LAMA4: variants seen among roughly 807,000 people sequenced by gnomAD.
LAMA4 encodes the protein laminin subunit alpha 4, also known as laminin subunit alpha-4.
A neutral mutation model predicts 207.1 loss-of-function variants in LAMA4; 127 were observed. The observed-to-expected ratio is 0.61, with a 90% CI of 0.53 to 0.71. LAMA4 has a LOEUF of 0.71. Ranked by LOEUF, LAMA4 falls within the 30% of genes least tolerant of loss-of-function variation. The probability of loss-of-function intolerance (pLI) is 0.00; values close to 1 mark genes in which losing one functional copy is unlikely to be tolerated. For missense variants in LAMA4, 2,093 were observed against 2,246.5 expected (o/e 0.93, Z 1.38); for synonymous variants, 761 against 816.0 (o/e 0.93, Z 1.15).
intron 9 of LAMA4, among the ~76,000 whole-genome samples, chr6:112,181,847 C>G (rs1369532692): frequency 1.3e-5 from 2 of 152,108 alleles, no homozygotes; most frequent in African/African-American, 4.8e-5. Context: ...GCCTGTAATT[C>G]CAGCACTTTG....
intron 2 of LAMA4, among the ~76,000 whole-genome samples, chr6:112,242,527 A>T (rs1554187881): frequency 6.6e-6 from 1 of 152,218 alleles, no homozygotes; most frequent in East Asian, 1.9e-4. Flanking sequence ...GCAGATAAAC[A>T]GCCTGGGGAT....
chr6:112,195,938 T>TACACACACACACACACAC (rs149514155), intron 5 of LAMA4, among the ~76,000 whole-genome samples: 2 of 147,342 alleles, frequency 1.4e-5, no homozygotes, highest in Admixed American at 1.4e-4. Context: ...ATGAACTAAG[T>TACACACACACACACACAC]ACACACACAC....
At chr6:112,205,470 T>C (rs1288943255) in intron 4 of LAMA4, among the ~76,000 whole-genome samples, 2 of 152,156 alleles carry the variant, frequency 1.3e-5, no homozygotes, top group African/African-American at 2.4e-5. Context: ...AAGTGAGATC[T>C]AGGGAGAAAG....
At chr6:112,188,332 G>C (rs1554347384) in intron 7 of LAMA4, among the ~76,000 whole-genome samples, 2 of 152,156 alleles carry the variant, frequency 1.3e-5, no homozygotes, top group African/African-American at 4.8e-5. Context: ...GCTTGGTGGG[G>C]GAGATGCTTA....
intron 36 of LAMA4, among the ~76,000 whole-genome samples, chr6:112,115,473 A>G (rs1012007500): frequency 1.3e-4 from 20 of 152,168 alleles, no homozygotes; most frequent in Non-Finnish European, 2.1e-4. Flanking sequence ...GTATATATAC[A>G]TATCTAGTAC....
intron 17 of LAMA4, among the ~76,000 whole-genome samples, chr6:112,150,238 CACACACAG>C (rs2114751336): frequency 6.6e-6 from 1 of 150,502 alleles, no homozygotes; most frequent in East Asian, 1.9e-4. Flanking sequence ...CACACACAGA[CACACACAG>C]ACACACACAC....
intron 25 of LAMA4, 62 bp from the exon 26 acceptor site, chr6:112,134,671 T>G: frequency 7.6e-7 from 1 of 1,320,140 alleles, no homozygotes; most frequent in Non-Finnish European, 1.1e-6. Context: ...CTTTGATGAC[T>G]TCTATATATT....
intron 3 of LAMA4, among the ~76,000 whole-genome samples, chr6:112,207,401 G>A (rs1411771297): frequency 7.2e-5 from 11 of 152,254 alleles, no homozygotes; most frequent in African/African-American, 1.7e-4. Context: ...TAGAGTTTGT[G>A]TGCAGAGGAG....
At chr6:112,175,282 G>A in intron 11 of LAMA4, 31 bp downstream of exon 11, 1 of 1,610,332 alleles carries the variant, frequency 6.2e-7, no homozygotes, top group Non-Finnish European at 8.5e-7. Context: ...GCAAACATGT[G>A]CTGGGTCAGC....
chr6:112,237,583 C>T (rs1217324856), intron 2 of LAMA4, among the ~76,000 whole-genome samples: 1 of 152,208 alleles, frequency 6.6e-6, no homozygotes, highest in African/African-American at 2.4e-5. Context: ...AACCCTCAGG[C>T]ATTTCCATGG....
intron 2 of LAMA4, among the ~76,000 whole-genome samples, chr6:112,229,676 A>C (rs1192010894): frequency 1.3e-5 from 2 of 152,220 alleles, no homozygotes; most frequent in African/African-American, 4.8e-5. Flanking sequence ...ATGGAATTCT[A>C]TCCATCTGGG....
At chr6:112,140,692 G>T (rs1779637352) in intron 22 of LAMA4, 68 bp downstream of exon 22, 2 of 1,460,130 alleles carry the variant, frequency 1.4e-6, no homozygotes, top group Admixed American at 3.5e-5. Flanking sequence ...AGTCATTATA[G>T]GTTTATGGAT....
chr6:112,153,518 T>G (rs1327804162), intron 16 of LAMA4, among the ~76,000 whole-genome samples: 1 of 152,082 alleles, frequency 6.6e-6, no homozygotes. Context: ...TAGGGATCGA[T>G]TAATGGTTAA....
intron 30 of LAMA4, 147 bp from the exon 31 acceptor site, chr6:112,129,222 C>T (rs1778883012): frequency 4.5e-6 from 3 of 667,626 alleles, no homozygotes; most frequent in Non-Finnish European, 7.7e-6. Context: ...TGGGTCCTTA[C>T]CCATCAACCA....
rs141372605 is a variant in LAMA4, at chr6:112,187,464, T to C, written c.952A>G (p.Ile318Val). 28 of 1,613,948 alleles carry C rather than the reference T, an allele frequency of 1.7e-5. No individual in the cohort carries two copies. The African/African-American group carries it at 2.9e-4, about 17-fold the overall frequency. ...TTCCTGCGTACTTTGAGGAGGTAGA[T>C]GGTGGCGTTGATTTCATTCACGTGC... The part of the protein sequence containing the change: ...HRHVNEINAT[I>V]YLLKTKLSER... The change falls in exon 8 of 39, where the codon ATC (isoleucine) becomes GTC (valine). Residue 318 changes from isoleucine to valine, a missense_variant. Transcript: ENST00000230538.
chr6:112,173,997 T>C (rs1168509475), intron 11 of LAMA4, among the ~76,000 whole-genome samples: 1 of 152,244 alleles, frequency 6.6e-6, no homozygotes, highest in Non-Finnish European at 1.5e-5. Flanking sequence ...TAAAGGTGGA[T>C]CTAATAGTTA....
At chr6:112,187,622 C>T (rs373389470) in intron 7 of LAMA4, 21 bp from the exon 8 acceptor site, 1 of 1,612,106 alleles carries the variant, frequency 6.2e-7, no homozygotes, top group Non-Finnish European at 8.5e-7. Context: ...AACATTTCTT[C>T]AGAATCACAA....
chr6:112,198,359 G>A (rs1783543428), intron 5 of LAMA4, among the ~76,000 whole-genome samples: 1 of 152,200 alleles, frequency 6.6e-6, no homozygotes, highest in Non-Finnish European at 1.5e-5. Context: ...GTTTAAAACA[G>A]ATATCCATAC....
intron 10 of LAMA4, among the ~76,000 whole-genome samples, 169 bp from the exon 11 acceptor site, chr6:112,175,649 G>T (rs532854033): frequency 6.6e-6 from 1 of 152,298 alleles, no homozygotes; most frequent in East Asian, 1.9e-4. Context: ...CAGCGAGCAT[G>T]GAAGCTCATC....
Sources: allele counts gnomAD v4.1 joint callset (sites outside exome capture counted in the v4.1 genomes callset), GRCh38; gene constraint gnomAD v4.1.1; transcripts MANE v1.5; gene names NCBI Gene and HGNC (gene_info 2026-07-23, HGNC 2026-07-21).